PPM1E: variants seen among roughly 807,000 people sequenced by gnomAD.
The protein encoded by PPM1E is protein phosphatase 1E.
Under a neutral mutation model 65.9 loss-of-function variants are expected in PPM1E, and 20 were observed. That is an observed-to-expected ratio of 0.30 (90% CI 0.21 to 0.44). The LOEUF (loss-of-function observed/expected upper bound fraction) is 0.44, where lower values mean the gene tolerates loss of function less well. PPM1E is among the 20% of genes least tolerant of loss of function. The pLI, the probability that PPM1E is intolerant of heterozygous loss-of-function variation, is 1.00. For synonymous variants in PPM1E, 352 were observed against 374.9 expected (o/e 0.94, Z 0.70); for missense variants, 713 against 953.1 (o/e 0.75, Z 3.32).
At chr17:58,830,824 A>G (rs1244393755) in intron 1 of PPM1E, among the ~76,000 whole-genome samples, 2 of 151,422 alleles carry the variant, frequency 1.3e-5, no homozygotes, top group African/African-American at 2.4e-5. Flanking sequence ...ACCTAGAACT[A>G]TAAGCGTGTG....
chr17:58,907,906 A>G (rs1389716772), intron 1 of PPM1E, among the ~76,000 whole-genome samples: 1 of 152,136 alleles, frequency 6.6e-6, no homozygotes. Context: ...TAGACAACAT[A>G]TAGTTGGGTC....
intron 1 of PPM1E, among the ~76,000 whole-genome samples, chr17:58,815,490 A>G (rs117095343): frequency 0.011 from 1,752 of 152,348 alleles, 15 homozygotes; most frequent in Middle Eastern, 0.041. Context: ...TTGAAAAGAA[A>G]GAGTATGCGT....
intron 1 of PPM1E, among the ~76,000 whole-genome samples, chr17:58,938,087 A>G (rs1440373581): frequency 6.6e-6 from 1 of 152,102 alleles, no homozygotes; most frequent in African/African-American, 2.4e-5. Flanking sequence ...ATTTGTTTCT[A>G]CCCCACTGGA....
At chr17:58,830,680 T>A (rs574781381) in intron 1 of PPM1E, among the ~76,000 whole-genome samples, 44 of 152,142 alleles carry the variant, frequency 2.9e-4, no homozygotes, top group African/African-American at 1.0e-3. Context: ...CTTTATTTTT[T>A]TTTATTTTTT....
At chr17:58,942,847 AG>A (rs1483050730) in intron 1 of PPM1E, among the ~76,000 whole-genome samples, 1 of 143,846 alleles carries the variant, frequency 7.0e-6, no homozygotes, top group East Asian at 2.0e-4. Flanking sequence ...GAAAAAAAAA[AG>A]ATTTGAGTAT....
rs1342870484 is a variant in PPM1E at position 58,880,473 on chromosome 17, GTCTGAAACAATCTTTC to G, written c.465-75175_465-75160del. Among the ~76,000 whole-genome samples the G allele has an allele frequency of 3.3e-5, 5 of 152,294 alleles. No homozygotes were observed. The East Asian group carries it at 9.6e-4, about 29-fold the overall frequency. On this transcript the variant is annotated intron_variant, in intron 1 of 6. Transcript: ENST00000308249. ...ACTTTACCAGAATAGGGCAGTGAGA[GTCTGAAACAATCTTTC>G]AGGGAAAATCTGACGATATCTCCTG...
At chr17:58,769,973 A>C (rs2049920089) in intron 1 of PPM1E, among the ~76,000 whole-genome samples, 1 of 152,048 alleles carries the variant, frequency 6.6e-6, no homozygotes, top group African/African-American at 2.4e-5. Flanking sequence ...GTTATAGTGA[A>C]CTGAGATTGT....
intron 1 of PPM1E, among the ~76,000 whole-genome samples, chr17:58,868,124 G>A (rs943257904): frequency 3.3e-5 from 5 of 152,044 alleles, no homozygotes; most frequent in Non-Finnish European, 7.4e-5. Context: ...GAGTTCAAGA[G>A]TTTAAGACCA....
At chr17:58,905,418 C>A (rs539381892) in intron 1 of PPM1E, among the ~76,000 whole-genome samples, 42 of 152,054 alleles carry the variant, frequency 2.8e-4, no homozygotes, top group African/African-American at 1.0e-3. Context: ...ATCATTAATG[C>A]GTGTTGAATT....
chr17:58,981,096 A>T lies in PPM1E; in HGVS notation c.*65A>T. ...AAATACCACTATCAGAGTAGAAACA[A>T]GGTAGACATTTCTAAAACATATGTG... is the stretch of plus-strand genomic sequence containing the variant. On this transcript the variant is annotated 3_prime_UTR_variant, in exon 7 of 7. Transcript: ENST00000308249. 1 of 1,163,326 alleles carries T rather than the reference A, an allele frequency of 8.6e-7. No homozygotes were observed. The highest frequency in any genetic ancestry group is 1.2e-6 in the Non-Finnish European group (1 of 820,416). 72.1% of individuals were successfully genotyped at this position (1,163,326 alleles called of 1,614,324 possible). A position where few individuals can be genotyped will look rare whatever the true frequency, so the allele number is the denominator to read the frequency against.
rs558246193 is a variant in PPM1E, at chr17:58,856,161, T to C, written c.465-99488T>C. Among the ~76,000 whole-genome samples the C allele has an allele frequency of 3.9e-5, 6 of 152,316 alleles. No individual in the cohort carries two copies. In the South Asian group the frequency reaches 1.2e-3, roughly 32 times the overall value. On this transcript the variant is annotated intron_variant, in intron 1 of 6. Coordinates refer to ENST00000308249, the MANE Select transcript of PPM1E (RefSeq NM_014906.5). ...ATTTAAGTGGTAATTGTGAAATTTTTTTTGTTTTGCTAATAATTCTCTGGA... is the reference window on the plus strand; with the variant it reads ...ATTTAAGTGGTAATTGTGAAATTTTCTTTGTTTTGCTAATAATTCTCTGGA...
chr17:58,952,755 C>A (rs1376415462), intron 1 of PPM1E, among the ~76,000 whole-genome samples: 1 of 152,152 alleles, frequency 6.6e-6, no homozygotes, highest in African/African-American at 2.4e-5. Flanking sequence ...CTCACTGCAA[C>A]CTCCACCTCC....
At chr17:58,842,777 A>G (rs933383871) in intron 1 of PPM1E, among the ~76,000 whole-genome samples, 1 of 151,926 alleles carries the variant, frequency 6.6e-6, no homozygotes, top group African/African-American at 2.4e-5. Flanking sequence ...TGTCTCTACT[A>G]AAAATACAAA....
chr17:58,917,892 A>G (rs1440937443), intron 1 of PPM1E, among the ~76,000 whole-genome samples: 3 of 152,202 alleles, frequency 2.0e-5, no homozygotes, highest in Non-Finnish European at 4.4e-5. Context: ...AAAGAAAATC[A>G]TGGTAAATTA....
intron 1 of PPM1E, among the ~76,000 whole-genome samples, chr17:58,895,322 G>A (rs987093552): frequency 6.6e-6 from 1 of 152,090 alleles, no homozygotes; most frequent in Admixed American, 6.6e-5. Flanking sequence ...TGGGCTAAAC[G>A]TTCAAGTGAA....
At chr17:58,900,315 A>G (rs910938373) in intron 1 of PPM1E, among the ~76,000 whole-genome samples, 1 of 152,174 alleles carries the variant, frequency 6.6e-6, no homozygotes, top group South Asian at 2.1e-4. Context: ...GGCAAACTTC[A>G]TTGTTGTCTT....
At chr17:58,777,888 C>T (rs918703961) in intron 1 of PPM1E, among the ~76,000 whole-genome samples, 3 of 152,126 alleles carry the variant, frequency 2.0e-5, no homozygotes, top group African/African-American at 7.2e-5. Flanking sequence ...ATGCTTAACA[C>T]ATTTTTTATT....
intron 1 of PPM1E, among the ~76,000 whole-genome samples, chr17:58,800,598 T>C (rs754480400): frequency 6.6e-6 from 1 of 152,182 alleles, no homozygotes; most frequent in Admixed American, 6.5e-5. Flanking sequence ...ATTTCTCTGA[T>C]AGACAAGGGG....
At chr17:58,930,262 C>T (rs1002426958) in intron 1 of PPM1E, among the ~76,000 whole-genome samples, 64 of 148,636 alleles carry the variant, frequency 4.3e-4, no homozygotes, top group African/African-American at 1.2e-3. Flanking sequence ...CACACACACA[C>T]ACACACACAC....
Sources: allele counts gnomAD v4.1 joint callset (sites outside exome capture counted in the v4.1 genomes callset), GRCh38; gene constraint gnomAD v4.1.1; transcripts MANE v1.5; gene names NCBI Gene and HGNC (gene_info 2026-07-23, HGNC 2026-07-21).